IL7: variants seen among roughly 807,000 people sequenced by gnomAD.
IL7 encodes interleukin 7.
In IL7, 3 loss-of-function variants were observed where a neutral mutation model predicts 21.6. That is an observed-to-expected ratio of 0.14 (90% CI 0.06 to 0.36). IL7 has a LOEUF of 0.36. Among genes scored for constraint, IL7 ranks in the 10% least tolerant of loss-of-function variants. The probability of loss-of-function intolerance (pLI) is 1.00; values close to 1 mark genes in which losing one functional copy is unlikely to be tolerated. For missense variants in IL7, 175 were observed against 200.2 expected (o/e 0.87, Z 0.76); for synonymous variants, 62 against 68.1 (o/e 0.91, Z 0.44).
chr8:78,722,347 G>A (rs190789773), intron 3 of IL7, among the ~76,000 whole-genome samples: 141 of 151,830 alleles, frequency 9.3e-4, no homozygotes, highest in Middle Eastern at 3.4e-3. Context: ...TAATTTTAAC[G>A]AAATTATTTT....
intron 2 of IL7, among the ~76,000 whole-genome samples, chr8:78,771,202 A>G (rs774803543): frequency 2.9e-5 from 4 of 139,382 alleles, no homozygotes; most frequent in Non-Finnish European, 6.7e-5. Flanking sequence ...TTCATTGCAT[A>G]TCATTCCTAT....
intron 3 of IL7, among the ~76,000 whole-genome samples, chr8:78,706,392 G>A (rs146271759): frequency 1.9e-3 from 296 of 152,186 alleles, no homozygotes; most frequent in African/African-American, 6.0e-3. Context: ...TGCCTGTGCC[G>A]GAGCAGCTGC....
intron 3 of IL7, among the ~76,000 whole-genome samples, chr8:78,696,939 C>T (rs1396511662): frequency 6.6e-6 from 1 of 152,174 alleles, no homozygotes; most frequent in Non-Finnish European, 1.5e-5. Flanking sequence ...AAAATCTTAA[C>T]TTTGAGGAAG....
At chr8:78,794,593 T>G (rs976670037) in intron 2 of IL7, among the ~76,000 whole-genome samples, 1 of 152,124 alleles carries the variant, frequency 6.6e-6, no homozygotes, top group Non-Finnish European at 1.5e-5. Flanking sequence ...AAATCTGTTG[T>G]TTAGTGTAGC....
rs182253881 is a variant in IL7 at position 78,799,419 on chromosome 8, C to G, written c.11-1211G>C. Among the ~76,000 whole-genome samples the G allele has an allele frequency of 7.4e-3, 1,119 of 152,114 alleles. 5 individuals carry two copies. The highest frequency in any genetic ancestry group is 0.012 in the Non-Finnish European group (836 of 67,954). Reference sequence around the variant, plus strand: ...CAAATAGAGAAAATTTTCTGGGTAGCAATTATGAAAACAAACATAAATCTA... The same window carrying G: ...CAAATAGAGAAAATTTTCTGGGTAGGAATTATGAAAACAAACATAAATCTA... On this transcript the variant is annotated intron_variant, in intron 1 of 5. Transcript: ENST00000263851.
At chr8:78,759,760 A>G (rs1390401605) in intron 2 of IL7, among the ~76,000 whole-genome samples, 1 of 152,194 alleles carries the variant, frequency 6.6e-6, no homozygotes, top group African/African-American at 2.4e-5. Context: ...TAACTATAAC[A>G]TTTTATAAAA....
At chr8:78,761,400 C>T in intron 2 of IL7, 2 of 1,611,934 alleles carry the variant, frequency 1.2e-6, no homozygotes, top group Non-Finnish European at 1.7e-6. Flanking sequence ...CTAGAAGCAA[C>T]AACTTTCATT....
At position 78,736,483 on chromosome 8, in the gene IL7, T is replaced by C. The variant is rs779322402; in HGVS notation, c.405A>G (p.Thr135=). ...KPAALGEAQP[T]KSLEENKSLK... is the part of the protein sequence containing the mutation. ...ATACAATTATTCTCACCAAACTCTT[T>C]GTTGGTTGGGCTTCACCCAGGGCAG... The change falls in exon 5 of 6, where the codon ACA becomes ACG. Residue 135 remains threonine, a synonymous_variant. Coordinates refer to ENST00000263851, the MANE Select transcript of IL7 (RefSeq NM_000880.4). The C allele has an allele frequency of 2.5e-6, 4 of 1,598,194 alleles. No individual in the cohort carries two copies. The South Asian group carries it at 4.5e-5, about 18-fold the overall frequency.
intron 4 of IL7, chr8:78,679,382 A>G (rs1378451799): frequency 6.6e-6 from 1 of 152,190 alleles, no homozygotes; most frequent in Non-Finnish European, 1.5e-5. Flanking sequence ...ATTTGCATAT[A>G]ACTTATGCAC....
At chr8:78,675,660 AAAATG>A, downstream of IL7, 1 of 842,550 alleles carries the variant, frequency 1.2e-6, no homozygotes. Flanking sequence ...TGCTTATTTC[AAAATG>A]CAGTAAAACA....
chr8:78,776,235 A>C (rs965979806), intron 2 of IL7, among the ~76,000 whole-genome samples: 25 of 152,070 alleles, frequency 1.6e-4, no homozygotes, highest in African/African-American at 6.0e-4. Flanking sequence ...CCAATCTGAT[A>C]ATCTAAAAGG....
intron 4 of IL7, among the ~76,000 whole-genome samples, chr8:78,679,961 A>G (rs545163192): frequency 1.7e-3 from 266 of 152,300 alleles, no homozygotes; most frequent in South Asian, 3.5e-3. Flanking sequence ...AATCTTTGGA[A>G]GCAGTGTAAT....
intron 2 of IL7, among the ~76,000 whole-genome samples, chr8:78,791,873 T>C (rs969787101): frequency 6.6e-6 from 1 of 152,116 alleles, no homozygotes; most frequent in Admixed American, 6.6e-5. Context: ...TGCTCAGAGA[T>C]ATGACATCAC....
chr8:78,698,175 A>T (rs1810491876), intron 3 of IL7, among the ~76,000 whole-genome samples: 1 of 152,192 alleles, frequency 6.6e-6, no homozygotes, highest in Non-Finnish European at 1.5e-5. Context: ...TTAGAAGAAG[A>T]TATTGACCAC....
chr8:78,799,968 C>T (rs777769858), intron 1 of IL7, among the ~76,000 whole-genome samples: 4 of 152,166 alleles, frequency 2.6e-5, no homozygotes, highest in Non-Finnish European at 5.9e-5. Context: ...CTTACTAATA[C>T]ATATTTAATA....
chr8:78,800,651 T>G (rs1053535679), intron 1 of IL7, among the ~76,000 whole-genome samples: 1 of 152,218 alleles, frequency 6.6e-6, no homozygotes, highest in African/African-American at 2.4e-5. Context: ...GGATGATCAA[T>G]TGCTAATTAT....
downstream of IL7, among the ~76,000 whole-genome samples, chr8:78,728,957 T>C (rs1563410643): frequency 1.3e-5 from 2 of 152,046 alleles, no homozygotes; most frequent in South Asian, 4.1e-4. Context: ...GGCAATAGAC[T>C]ATACTTCAAA....
chr8:78,767,222 G>A (rs185516519), intron 2 of IL7, among the ~76,000 whole-genome samples: 344 of 150,738 alleles, frequency 2.3e-3, no homozygotes, highest in African/African-American at 8.0e-3. Context: ...GTGAGTGAGT[G>A]TGTGTGTGTG....
chr8:78,765,082 T>C (rs943560518), intron 2 of IL7, among the ~76,000 whole-genome samples: 3 of 152,054 alleles, frequency 2.0e-5, no homozygotes, highest in African/African-American at 7.2e-5. Context: ...AATGGAGCAG[T>C]CTCTTTTCAA....
Sources: allele counts gnomAD v4.1 joint callset (sites outside exome capture counted in the v4.1 genomes callset), GRCh38; gene constraint gnomAD v4.1.1; transcripts MANE v1.5; gene names NCBI Gene and HGNC (gene_info 2026-07-23, HGNC 2026-07-21).